Variants in PCDHA3 observed in about 807,000 individuals in gnomAD.
The protein encoded by PCDHA3 is protocadherin alpha-3.
A neutral mutation model predicts 62.2 loss-of-function variants in PCDHA3; 41 were observed. The observed-to-expected ratio is 0.66, with a 90% CI of 0.51 to 0.86. The LOEUF (loss-of-function observed/expected upper bound fraction) is 0.86, where lower values mean the gene tolerates loss of function less well. Ranked by LOEUF, PCDHA3 falls within the 40% of genes least tolerant of loss-of-function variation. The probability of loss-of-function intolerance (pLI) is 0.00; values close to 1 mark genes in which losing one functional copy is unlikely to be tolerated. For synonymous variants in PCDHA3, 640 were observed against 555.4 expected (o/e 1.15, Z -2.14); for missense variants, 1,304 against 1,241.2 (o/e 1.05, Z -0.76).
At chr5:140,962,037 C>G (rs1449536712) in intron 1 of PCDHA3, among the ~76,000 whole-genome samples, 1 of 152,066 alleles carries the variant, frequency 6.6e-6, no homozygotes, top group African/African-American at 2.4e-5. Flanking sequence ...GCACCCACCA[C>G]CATGCCTGGC....
At chr5:140,985,562 C>G (rs1477250763) in intron 3 of PCDHA3, among the ~76,000 whole-genome samples, 1 of 152,116 alleles carries the variant, frequency 6.6e-6, no homozygotes, top group Non-Finnish European at 1.5e-5. Flanking sequence ...CAAAAGGCTT[C>G]TTTCTGGTGC....
intron 3 of PCDHA3, among the ~76,000 whole-genome samples, chr5:140,992,421 A>C (rs1412648457): frequency 6.6e-6 from 1 of 152,164 alleles, no homozygotes; most frequent in African/African-American, 2.4e-5. Flanking sequence ...CAGGTCTAAG[A>C]ATATTGTTCC....
rs782361286 is a variant in PCDHA3, at chr5:140,876,924, G to T, written c.2394+73333G>T. The T allele has an allele frequency of 4.3e-6, 7 of 1,613,704 alleles. No individual in the cohort carries two copies. The African/African-American group carries it at 5.3e-5, about 12-fold the overall frequency. The stretch of plus-strand genomic sequence containing the variant: ...CGGTGTCGGCATGGGACGCGGACGC[G>T]CAGAAGAACGCGCTGGTGTCCTACT... On this transcript the variant is annotated intron_variant, in intron 1 of 3. Coordinates refer to ENST00000522353, the MANE Select transcript of PCDHA3 (RefSeq NM_018906.3).
At chr5:140,868,859 A>G (rs2050687281) in intron 1 of PCDHA3, 1 of 502,518 alleles carries the variant, frequency 2.0e-6, no homozygotes, top group African/African-American at 1.9e-5. Context: ...TGTGGTGGTA[A>G]ATGCAGTGCA....
Position 140,803,449 on chromosome 5 carries a change from C to G in PCDHA3, c.2252C>G (p.Ser751Trp). The change falls in exon 1 of 4, where the codon TCG becomes TGG. Residue 751 changes from serine to tryptophan, a missense_variant. Coordinates refer to ENST00000522353, the MANE Select transcript of PCDHA3 (RefSeq NM_018906.3). ...CSSAVGSWSY[S>W]QQRQQRVCSG... Reference sequence around the variant, plus strand: ...AGCGCGGTGGGGAGCTGGTCATACTCGCAGCAGAGGCAGCAGAGGGTGTGC... The same window carrying G: ...AGCGCGGTGGGGAGCTGGTCATACTGGCAGCAGAGGCAGCAGAGGGTGTGC... The G allele has an allele frequency of 6.2e-7, 1 of 1,614,208 alleles. No homozygotes were observed. Among genetic ancestry groups the G allele is most frequent in the Non-Finnish European group, 8.5e-7 (1 of 1,180,032 alleles).
rs2150475866 is a variant in PCDHA3 at position 140,850,252 on chromosome 5, GCGC to G, written c.2394+46664_2394+46666del. The G allele has an allele frequency of 1.9e-6, 3 of 1,593,828 alleles. 1 individual carries two copies. The Admixed American group carries it at 5.1e-5, about 27-fold the overall frequency. On this transcript the variant is annotated intron_variant, in intron 1 of 3. Transcript: ENST00000522353. ...AGCGAGATGGTGCTGCGGTCGGTGG[GCGC>G]CGGCGTAGTGGTGGGGAAGGTGCGC...
chr5:140,969,066 G>A (rs2096292938), intron 1 of PCDHA3: 2 of 1,614,144 alleles, frequency 1.2e-6, no homozygotes, highest in Admixed American at 3.3e-5. Context: ...ATTGATGCCA[G>A]GATACCGCAT....
chr5:140,959,493 A>C (rs533403086), intron 1 of PCDHA3, among the ~76,000 whole-genome samples: 3 of 152,280 alleles, frequency 2.0e-5, no homozygotes, highest in South Asian at 2.1e-4. Context: ...TTATATATGG[A>C]TCAAACTAAA....
At chr5:140,996,933 T>G (rs2097753695) in intron 3 of PCDHA3, among the ~76,000 whole-genome samples, 1 of 152,186 alleles carries the variant, frequency 6.6e-6, no homozygotes, top group African/African-American at 2.4e-5. Flanking sequence ...ATATAGCATT[T>G]TTGCATAGAA....
At chr5:140,917,337 G>T (rs1563019639) in intron 1 of PCDHA3, among the ~76,000 whole-genome samples, 1 of 142,560 alleles carries the variant, frequency 7.0e-6, no homozygotes, top group Non-Finnish European at 1.6e-5. Context: ...GGGAGGGGGG[G>T]GATGGTGTAG....
intron 1 of PCDHA3, chr5:140,866,411 A>G (rs2049340937): frequency 6.6e-6 from 1 of 152,118 alleles, no homozygotes; most frequent in African/African-American, 2.4e-5. Context: ...GAAAATCTTC[A>G]AATGTGTGTA....
At chr5:140,857,806 G>A (rs1554150689) in intron 1 of PCDHA3, 2 of 1,597,702 alleles carry the variant, frequency 1.3e-6, no homozygotes, top group African/African-American at 1.3e-5. Flanking sequence ...CGGTGGTTGC[G>A]GGTCACGTGG....
chr5:140,803,042 C>A lies in PCDHA3; in HGVS notation c.1845C>A (p.Thr615=), dbSNP rs373825257. Residue 615 remains threonine, a synonymous_variant, in exon 1 of 4, where the codon ACC becomes ACA. Coordinates refer to ENST00000522353, the MANE Select transcript of PCDHA3 (RefSeq NM_018906.3). The part of the protein sequence containing the change: ...AWLSYELQPG[T]GGARIPFRVG... ...TTTCGTATGAGCTGCAGCCTGGGACCGGCGGTGCGCGCATCCCGTTTCGCG... is the reference window on the plus strand; with the variant it reads ...TTTCGTATGAGCTGCAGCCTGGGACAGGCGGTGCGCGCATCCCGTTTCGCG... 5 of 1,614,006 alleles carry A rather than the reference C, an allele frequency of 3.1e-6. No individual in the cohort carries two copies. The highest frequency in any genetic ancestry group is 2.7e-5 in the African/African-American group (2 of 75,062).
At position 140,805,427 on chromosome 5, in the gene PCDHA3, G is replaced by A. The variant is rs1193908994; in HGVS notation, c.2394+1836G>A. 3 of 1,056,242 alleles carry A rather than the reference G, an allele frequency of 2.8e-6. No homozygotes were observed. The South Asian group carries it at 1.1e-4, about 37-fold the overall frequency. 65.4% of individuals were successfully genotyped at this position (1,056,242 alleles called of 1,614,324 possible). ...GAAATTTGGTGGGTTTTTTGTTGTT[G>A]TTTTGGTTTTTGTGTGTGTGTGTTT... On this transcript the variant is annotated intron_variant, in intron 1 of 3. Transcript: ENST00000522353.
At chr5:140,839,706 G>A (rs2150300101) in intron 1 of PCDHA3, among the ~76,000 whole-genome samples, 1 of 152,134 alleles carries the variant, frequency 6.6e-6, no homozygotes, top group South Asian at 2.1e-4. Context: ...ATAATGTGAT[G>A]ACAAATTTAA....
chr5:140,985,289 T>C (rs2097145554), intron 3 of PCDHA3, among the ~76,000 whole-genome samples: 2 of 152,172 alleles, frequency 1.3e-5, no homozygotes, highest in African/African-American at 4.8e-5. Flanking sequence ...ATCTATGATA[T>C]AGTGTTGGCT....
Position 140,801,170 on chromosome 5 carries a change from G to T in PCDHA3, c.-28G>T. Reference sequence around the variant, plus strand: ...TTTTAAACTTTGGATCAATGTAAAGGCAATCTAATATTTGGAAAATACTTG... The same window carrying T: ...TTTTAAACTTTGGATCAATGTAAAGTCAATCTAATATTTGGAAAATACTTG... On this transcript the variant is annotated 5_prime_UTR_variant, in exon 1 of 4. Transcript: ENST00000522353. 1 of 1,563,356 alleles carries T rather than the reference G, an allele frequency of 6.4e-7. No homozygotes were observed. The highest frequency in any genetic ancestry group is 8.6e-7 in the Non-Finnish European group (1 of 1,157,646).
At chr5:140,870,193 C>T in intron 1 of PCDHA3, 2 of 1,614,156 alleles carry the variant, frequency 1.2e-6, no homozygotes, top group Non-Finnish European at 8.5e-7. Flanking sequence ...GGACGCTCAG[C>T]CCAGCACGGT....
At chr5:140,956,665 G>A (rs1336658976) in intron 1 of PCDHA3, among the ~76,000 whole-genome samples, 3 of 152,004 alleles carry the variant, frequency 2.0e-5, no homozygotes, top group African/African-American at 7.2e-5. Context: ...TGGCCTTAAA[G>A]GAGTTAGGGA....
Sources: allele counts gnomAD v4.1 joint callset (sites outside exome capture counted in the v4.1 genomes callset), GRCh38; gene constraint gnomAD v4.1.1; transcripts MANE v1.5; gene names NCBI Gene and HGNC (gene_info 2026-07-23, HGNC 2026-07-21).